DIP2B: variants seen among roughly 807,000 people sequenced by gnomAD.
DIP2B encodes the protein DIP2 acetate--CoA ligase B (putative).
A neutral mutation model predicts 198.0 loss-of-function variants in DIP2B; 76 were observed. The ratio of observed to expected loss-of-function variants is 0.38; its 90% CI spans 0.32 to 0.46. The LOEUF (loss-of-function observed/expected upper bound fraction) is 0.46. DIP2B is among the 20% of genes least tolerant of loss of function. The pLI is 0.99. For missense variants in DIP2B, 1,559 were observed against 1,978.4 expected (o/e 0.79, Z 4.02); for synonymous variants, 701 against 739.1 (o/e 0.95, Z 0.84).
chr12:50,635,046 A>G (rs192828533), intron 2 of DIP2B, among the ~76,000 whole-genome samples: 109 of 152,328 alleles, frequency 7.2e-4, no homozygotes, highest in African/African-American at 2.6e-3. Flanking sequence ...CAATTCTCAA[A>G]TGATATTCTA....
chr12:50,671,148 G>A (rs990188835), intron 4 of DIP2B, 38 bp from the exon 5 acceptor site: 5 of 1,602,022 alleles, frequency 3.1e-6, no homozygotes, highest in African/African-American at 2.7e-5. Context: ...TCTGTTCTAG[G>A]TAGGATCGAG....
At chr12:50,694,446 G>A (rs1565873223) in intron 14 of DIP2B, among the ~76,000 whole-genome samples, 1 of 151,876 alleles carries the variant, frequency 6.6e-6, no homozygotes, top group Non-Finnish European at 1.5e-5. Context: ...AGTGAGCCGA[G>A]ATCGCACCAC....
chr12:50,562,571 A>T (rs1311926419), intron 1 of DIP2B, among the ~76,000 whole-genome samples: 1 of 151,928 alleles, frequency 6.6e-6, no homozygotes, highest in Non-Finnish European at 1.5e-5. Context: ...CCTCTCTACA[A>T]AAAATAAAAA....
chr12:50,545,355 T>C (rs1456548453), intron 1 of DIP2B, among the ~76,000 whole-genome samples: 1 of 132,262 alleles, frequency 7.6e-6, no homozygotes, highest in Admixed American at 7.6e-5. Flanking sequence ...TCCTTCTTTC[T>C]TTCTTCCTTT....
intron 1 of DIP2B, among the ~76,000 whole-genome samples, chr12:50,549,103 C>T (rs185359722): frequency 5.3e-5 from 8 of 151,104 alleles, no homozygotes; most frequent in South Asian, 2.1e-4. Flanking sequence ...ACAGCTGCTT[C>T]GGTTTTGGAC....
chr12:50,639,360 A>AT (rs919988369), intron 2 of DIP2B, among the ~76,000 whole-genome samples: 3 of 152,144 alleles, frequency 2.0e-5, no homozygotes, highest in African/African-American at 7.2e-5. Context: ...AAGATGGCTC[A>AT]TTCACATGTT....
chr12:50,557,570 G>T (rs1958482392), intron 1 of DIP2B, among the ~76,000 whole-genome samples: 1 of 152,226 alleles, frequency 6.6e-6, no homozygotes, highest in South Asian at 2.1e-4. Context: ...GTGGATGATG[G>T]TGGCTGCCAC....
In DIP2B at chr12:50,664,830, G is replaced by GTTTT. The variant is rs1205734576; in HGVS notation, c.427+4513_427+4516dup. Among the ~76,000 whole-genome samples the GTTTT allele has an allele frequency of 9.7e-4, 97 of 99,644 alleles. 28 individuals are homozygous for GTTTT. Among genetic ancestry groups the GTTTT allele is most frequent in the African/African-American group, 3.9e-3 (94 of 23,974 alleles). 65.4% of individuals were successfully genotyped at this position (99,644 alleles called of 152,430 possible). On this transcript the variant is annotated intron_variant, in intron 4 of 37. Transcript: ENST00000301180. ...CAAGGAGAATTTCCCTCCTTTTTTG[G>GTTTT]TTTTTGTTTTTTTTTTTTTTTTTTT... is the stretch of plus-strand genomic sequence containing the variant.
At chr12:50,612,676 G>A (rs1030839008) in intron 1 of DIP2B, among the ~76,000 whole-genome samples, 3 of 152,036 alleles carry the variant, frequency 2.0e-5, no homozygotes, top group Non-Finnish European at 4.4e-5. Flanking sequence ...TGATCTGCCC[G>A]CCTCGGCCCG....
chr12:50,683,146 G>C lies in DIP2B; in HGVS notation c.1215G>C (p.Leu405=). The C allele has an allele frequency of 6.2e-7, 1 of 1,606,532 alleles. No homozygotes were observed. The highest frequency in any genetic ancestry group is 1.1e-5 in the South Asian group (1 of 88,814). ...ATCATTATGAATTTTAGGTAGCCCT[G>C]GTTTACCCCAACAATGATCCAGTCA... ...PVLKPGDRVA[L]VYPNNDPVMF... The change falls in exon 10 of 38, where the codon CTG becomes CTC. Residue 405 remains leucine (L), a synonymous_variant. Transcript: ENST00000301180.
intron 1 of DIP2B, among the ~76,000 whole-genome samples, chr12:50,593,691 T>TTCTCCTCTCCTCTCCTCTCCTCTCC (rs1486489653): frequency 3.4e-5 from 3 of 88,902 alleles, no homozygotes; most frequent in Non-Finnish European, 2.2e-5. Flanking sequence ...ATACACTCTT[T>TTCTCCTCTCCTCTCCTCTCCTCTCC]TCTCCTCTCC....
In DIP2B at chr12:50,593,292, G is replaced by T. The variant is rs1958835292; in HGVS notation, c.101-32684G>T. 2.0e-5 allele frequency among the ~76,000 whole-genome samples: 3 copies of T among 152,232 alleles called. No individual in the cohort carries two copies. In the South Asian group the frequency reaches 6.2e-4, roughly 32 times the overall value. On this transcript the variant is annotated intron_variant, in intron 1 of 37. Coordinates refer to ENST00000301180, the MANE Select transcript of DIP2B (RefSeq NM_173602.3). ...GAGGCCAAGGTGGGCGGATCACGAG[G>T]TCAAGAGATCGAGACCATCCTGGCC...
chr12:50,670,918 A>T (rs1592119883), intron 4 of DIP2B, among the ~76,000 whole-genome samples: 1 of 152,364 alleles, frequency 6.6e-6, no homozygotes, highest in Middle Eastern at 3.4e-3. Context: ...AGCTTACAAC[A>T]GAAAAGCAGG....
intron 1 of DIP2B, among the ~76,000 whole-genome samples, chr12:50,585,175 A>G (rs949504405): frequency 5.3e-5 from 8 of 152,188 alleles, no homozygotes; most frequent in African/African-American, 1.9e-4. Context: ...TTCCCAAAGT[A>G]GTGACTTATC....
chr12:50,607,524 G>A (rs986861046), intron 1 of DIP2B, among the ~76,000 whole-genome samples: 5 of 152,040 alleles, frequency 3.3e-5, no homozygotes, highest in African/African-American at 1.2e-4. Context: ...TTTCTTGACA[G>A]CATCCCCTTT....
rs1436304545 is a variant in DIP2B at position 50,748,191 on chromosome 12, C to T, written c.*3352C>T. On this transcript the variant is annotated 3_prime_UTR_variant, in exon 38 of 38. Coordinates refer to ENST00000301180, the MANE Select transcript of DIP2B (RefSeq NM_173602.3). ...CAAATAAATTACTTTCCTTGAATAT[C>T]CAGGAATCTTTTAGTCTAAAGCAAT... 6.6e-6 allele frequency: 1 copy of T among 152,614 alleles called. No homozygotes were observed. Among genetic ancestry groups the T allele is most frequent in the Non-Finnish European group, 1.5e-5 (1 of 68,038 alleles). 9.5% of individuals were successfully genotyped at this position (152,614 alleles called of 1,614,324 possible). A position where few individuals can be genotyped will look rare whatever the true frequency, so the allele number is the denominator to read the frequency against.
At chr12:50,646,790 C>T (rs978495656) in intron 3 of DIP2B, among the ~76,000 whole-genome samples, 3 of 152,048 alleles carry the variant, frequency 2.0e-5, no homozygotes, top group Non-Finnish European at 2.9e-5. Flanking sequence ...GAGCTAAATG[C>T]AGTACTAACT....
At chr12:50,553,138 A>G (rs912962946) in intron 1 of DIP2B, among the ~76,000 whole-genome samples, 5 of 152,096 alleles carry the variant, frequency 3.3e-5, no homozygotes, top group African/African-American at 9.7e-5. Context: ...ACCCGGCCTG[A>G]GTTAGTTTTC....
chr12:50,647,239 A>G (rs1223608949), intron 3 of DIP2B, among the ~76,000 whole-genome samples: 1 of 152,098 alleles, frequency 6.6e-6, no homozygotes, highest in Non-Finnish European at 1.5e-5. Context: ...TTGTGGAGAC[A>G]GGGTTTCACC....
Sources: allele counts gnomAD v4.1 joint callset (sites outside exome capture counted in the v4.1 genomes callset), GRCh38; gene constraint gnomAD v4.1.1; transcripts MANE v1.5; gene names NCBI Gene and HGNC (gene_info 2026-07-23, HGNC 2026-07-21).